ITGA6: variants seen among roughly 807,000 people sequenced by gnomAD.
ITGA6 encodes the protein integrin subunit alpha 6.
A neutral mutation model predicts 133.6 loss-of-function variants in ITGA6; 63 were observed. The ratio of observed to expected loss-of-function variants is 0.47; its 90% CI spans 0.38 to 0.58. The LOEUF is 0.58. Ranked by LOEUF, ITGA6 falls within the 20% of genes least tolerant of loss-of-function variation. The pLI is 0.00. For missense variants in ITGA6, 1,068 were observed against 1,309.4 expected, an observed-to-expected ratio of 0.82 and a Z score of 2.85; for synonymous variants, 434 against 482.0, an observed-to-expected ratio of 0.90 and a Z score of 1.30.
chr2:172,478,390 C>T (rs763477512), intron 9 of ITGA6, among the ~76,000 whole-genome samples: 3 of 152,170 alleles, frequency 2.0e-5, no homozygotes, highest in Non-Finnish European at 4.4e-5. Flanking sequence ...GCTGGGTTTA[C>T]CACAAGCCCA....
Position 172,497,990 on chromosome 2 carries a change from T to C in ITGA6, c.3004T>C (p.Phe1002Leu). 6.2e-7 allele frequency: 1 copy of C among 1,614,024 alleles called. No homozygotes were observed. The highest frequency in any genetic ancestry group is 8.5e-7 in the Non-Finnish European group (1 of 1,179,926). ...TGCCCTGTAGGTTCGAGTGACTGTG[T>C]TTCCCTCAAAGACTGTAGCTCAGTA... Reference protein sequence around the residue: ...NAGTQVRVTVFPSKTVAQYSG... With the variant: ...NAGTQVRVTVLPSKTVAQYSG... Residue 1002 changes from phenylalanine (F) to leucine (L), a missense_variant, in exon 24 of 26, where the codon TTT becomes CTT. By Grantham distance (22) the Phe-to-Leu change is conservative (BLOSUM62 0). This residue lies in a region of ITGA6 where 609 missense variants were observed against 707.2 expected (regional missense o/e 0.86). Coordinates refer to ENST00000684293, the MANE Select transcript of ITGA6 (RefSeq NM_000210.4).
intron 1 of ITGA6, among the ~76,000 whole-genome samples, chr2:172,442,729 T>C (rs1199755013): frequency 6.6e-6 from 1 of 152,322 alleles, no homozygotes; most frequent in East Asian, 1.9e-4. Context: ...GTTTGTGAGC[T>C]TGCTTTACTG....
chr2:172,474,584 G>A (rs1179252106), intron 6 of ITGA6, among the ~76,000 whole-genome samples: 1 of 152,218 alleles, frequency 6.6e-6, no homozygotes, highest in Non-Finnish European at 1.5e-5. Flanking sequence ...ATATGGGGCT[G>A]ATGGAGCATC....
chr2:172,427,572 A>G, upstream of ITGA6: 1 of 1,231,270 alleles, frequency 8.1e-7, no homozygotes, highest in Non-Finnish European at 1.0e-6. Context: ...AACGCCTGCG[A>G]GTCTCCAGAG....
At chr2:172,465,465 C>T (rs1685617429) in intron 1 of ITGA6, 74 bp from the exon 2 acceptor site, 1 of 1,541,574 alleles carries the variant, frequency 6.5e-7, no homozygotes, top group South Asian at 1.1e-5. Context: ...CCCACTATCT[C>T]CTAGTTCTGA....
intron 1 of ITGA6, among the ~76,000 whole-genome samples, chr2:172,433,072 C>G (rs1684171864): frequency 6.6e-6 from 1 of 152,174 alleles, no homozygotes; most frequent in Non-Finnish European, 1.5e-5. Context: ...TGTAGCACCC[C>G]CGCTGGCTCC....
Position 172,458,651 on chromosome 2 carries a change from G to A in ITGA6, c.183-6888G>A, listed in dbSNP as rs184809123. ...CAGAATTCCTGCTCAGGGTGAGAGCGAGCCAGAAATGGACCTTTTTATACA... is the reference window on the plus strand; with the variant it reads ...CAGAATTCCTGCTCAGGGTGAGAGCAAGCCAGAAATGGACCTTTTTATACA... On this transcript the variant is annotated intron_variant, in intron 1 of 25. Coordinates refer to ENST00000684293, the MANE Select transcript of ITGA6 (RefSeq NM_000210.4). Among the ~76,000 whole-genome samples the A allele has an allele frequency of 1.4e-3, 211 of 152,256 alleles. No homozygotes were observed. In the Middle Eastern group the frequency reaches 0.027, roughly 20 times the overall value.
chr2:172,454,080 T>C (rs1297419696), intron 1 of ITGA6, among the ~76,000 whole-genome samples: 1 of 120,262 alleles, frequency 8.3e-6, no homozygotes, highest in East Asian at 3.4e-4. Flanking sequence ...GTTTTTTTTT[T>C]GTTTTGTTTT....
At chr2:172,453,659 A>G (rs1266668054) in intron 1 of ITGA6, among the ~76,000 whole-genome samples, 2 of 152,314 alleles carry the variant, frequency 1.3e-5, no homozygotes, top group East Asian at 3.9e-4. Context: ...ATAATCCAAG[A>G]TACTTTCCTG....
chr2:172,491,092 T>G lies in ITGA6; in HGVS notation c.2748T>G (p.Ser916=). ...AGATAGATGATAACAGAAAATTTTC[T>G]TTATTTGCTGAAAGAAAATACCAGA... ...EKQIDDNRKF[S]LFAERKYQTL... is the part of the protein sequence containing the mutation. Residue 916 remains serine (S), a synonymous_variant, in exon 21 of 26, where the codon TCT becomes TCG. Transcript: ENST00000684293. This position sits in a 1 kb window ranked among gnomAD's most constrained non-coding sequence, Gnocchi z 4.4. 6.3e-7 allele frequency: 1 copy of G among 1,584,676 alleles called. No individual in the cohort carries two copies. The highest frequency in any genetic ancestry group is 8.7e-7 in the Non-Finnish European group (1 of 1,153,258).
intron 1 of ITGA6, among the ~76,000 whole-genome samples, chr2:172,460,657 T>A (rs1685395353): frequency 6.6e-6 from 1 of 152,226 alleles, no homozygotes; most frequent in African/African-American, 2.4e-5. Context: ...GTTAAGTCTT[T>A]TATTTTTTGA....
Position 172,477,540 on chromosome 2 carries a change from C to G in ITGA6, c.1388+1027C>G, listed in dbSNP as rs150251402. On this transcript the variant is annotated intron_variant, in intron 9 of 25. Coordinates refer to ENST00000684293, the MANE Select transcript of ITGA6 (RefSeq NM_000210.4). Reference sequence around the variant, plus strand: ...CTGTCTAATCTGGTTTTTATTTAATCTTGGGCTATCTCTCCTTGTCAATAC... The same window carrying G: ...CTGTCTAATCTGGTTTTTATTTAATGTTGGGCTATCTCTCCTTGTCAATAC... 1.5e-3 allele frequency among the ~76,000 whole-genome samples: 229 copies of G among 152,296 alleles called. 1 individual carries two copies. The highest frequency in any genetic ancestry group is 4.5e-3 in the African/African-American group (188 of 41,550).
At chr2:172,434,007 G>T (rs1026990049) in intron 1 of ITGA6, among the ~76,000 whole-genome samples, 1 of 152,118 alleles carries the variant, frequency 6.6e-6, no homozygotes, top group Non-Finnish European at 1.5e-5. Flanking sequence ...GGCCTTCTTA[G>T]ACCTCTATGA....
chr2:172,446,908 A>G (rs1276159762), intron 1 of ITGA6, among the ~76,000 whole-genome samples: 2 of 151,888 alleles, frequency 1.3e-5, no homozygotes, highest in South Asian at 4.2e-4. Context: ...TTTATTTTTA[A>G]TTTTTTTGAG....
rs1683908128 is a variant in ITGA6, at chr2:172,427,753, C to T, written c.-36C>T. 2 of 1,540,288 alleles carry T rather than the reference C, an allele frequency of 1.3e-6. No individual in the cohort carries two copies. Among genetic ancestry groups the T allele is most frequent in the East Asian group, 5.2e-5 (2 of 38,374 alleles). On this transcript the variant is annotated 5_prime_UTR_variant, in exon 1 of 26. Coordinates refer to ENST00000684293, the MANE Select transcript of ITGA6 (RefSeq NM_000210.4). ...CCCAGCCCGGAGCGCAGGGCGGCCG[C>T]TGCAGGTCCCCGCTCCCCTCCCCGT...
rs1686606900 is a variant in ITGA6, at chr2:172,485,084, C to T, written c.1711-37C>T. 3.7e-6 allele frequency: 6 copies of T among 1,610,680 alleles called. No individual in the cohort carries two copies. The African/African-American group carries it at 6.7e-5, about 18-fold the overall frequency. On this transcript the variant is annotated intron_variant, in intron 12 of 25. Transcript: ENST00000684293. The stretch of plus-strand genomic sequence containing the variant: ...TTTTGGAATTCCCCAATAGCATGTA[C>T]ACCCCACTTAACTCTGACTGCATGC...
chr2:172,487,626 C>T lies in ITGA6; in HGVS notation c.2240C>T (p.Ser747Leu), dbSNP rs1686745909. 4 of 1,613,782 alleles carry T rather than the reference C, an allele frequency of 2.5e-6. No individual in the cohort carries two copies. The African/African-American group carries it at 4.0e-5, about 16-fold the overall frequency. ...CTCGGAAATCCTTTTAAAAGAAATT[C>T]AAATGTAGGTGATGCCTTCATATAC... Reference protein sequence around the residue: ...CELGNPFKRNSNVTFYLVLST... With the variant: ...CELGNPFKRNLNVTFYLVLST... Residue 747 changes from serine (S) to leucine (L), a missense_variant, in exon 16 of 26, where the codon TCA (serine) becomes TTA (leucine). Ser to Leu is a moderately radical substitution (Grantham distance 145). This residue lies in a region of ITGA6 where 609 missense variants were observed against 707.2 expected (regional missense o/e 0.86). Coordinates refer to ENST00000684293, the MANE Select transcript of ITGA6 (RefSeq NM_000210.4).
chr2:172,488,271 C>T (rs764322846), intron 19 of ITGA6, 43 bp downstream of exon 19: 2 of 1,184,340 alleles, frequency 1.7e-6, no homozygotes, highest in African/African-American at 1.5e-5. Context: ...CAAAAGCTGA[C>T]ATATACTAGG....
rs1471555174 is a variant in ITGA6 at position 172,465,598 on chromosome 2, G to A, written c.242G>A (p.Gly81Glu). Residue 81 changes from glycine (G) to glutamate (E), a missense_variant, in exon 2 of 26, where the codon GGA becomes GAA. Physicochemically the swap from Gly to Glu is moderately conservative, Grantham distance 98. Coordinates refer to ENST00000684293, the MANE Select transcript of ITGA6 (RefSeq NM_000210.4). ...ALPLQRANRT[G>E]GLYSCDITAR... ...CCACTGCAGAGAGCCAACAGAACGG[G>A]AGGGCTGTACAGCTGCGACATCACC... 1 of 1,614,238 alleles carries A rather than the reference G, an allele frequency of 6.2e-7. No homozygotes were observed. Among genetic ancestry groups the A allele is most frequent in the Non-Finnish European group, 8.5e-7 (1 of 1,180,040 alleles).
Sources: gnomAD v4.1 joint callset for allele counts (sites outside exome capture counted in the v4.1 genomes callset) on GRCh38, gnomAD v4.1.1 for gene constraint, gnomAD v4.1.1 regional missense constraint, Gnocchi (gnomAD v3.1) non-coding constraint, MANE v1.5 for transcripts, NCBI Gene and HGNC (gene_info 2026-07-23, HGNC 2026-07-21) for gene names.